Variants in NPAS3 observed in about 807,000 individuals in gnomAD.
The protein encoded by NPAS3 is neuronal PAS domain protein 3.
In NPAS3, 14 loss-of-function variants were observed where a neutral mutation model predicts 73.1. That is an observed-to-expected ratio of 0.19 (90% confidence interval 0.13 to 0.30). The LOEUF (loss-of-function observed/expected upper bound fraction) is 0.30. Among genes scored for constraint, NPAS3 ranks in the 10% least tolerant of loss-of-function variants. The pLI is 1.00. For missense variants in NPAS3, 1,096 were observed against 1,250.0 expected (o/e 0.88, Z 1.86); for synonymous variants, 620 against 541.5 (o/e 1.14, Z -2.01).
chr14:33,278,865 T>C (rs940769325), intron 3 of NPAS3, among the ~76,000 whole-genome samples: 10 of 152,202 alleles, frequency 6.6e-5, no homozygotes, highest in African/African-American at 2.4e-4. Flanking sequence ...TGCGAGTGTG[T>C]ATATAATTTG....
intron 4 of NPAS3, among the ~76,000 whole-genome samples, chr14:33,394,147 A>G (rs2047123646): frequency 6.6e-6 from 1 of 152,174 alleles, no homozygotes; most frequent in Admixed American, 6.5e-5. Context: ...TAGATAATTA[A>G]AAATGACAGA....
At chr14:33,379,977 C>CATGTGTGTGT (rs367545400) in intron 4 of NPAS3, among the ~76,000 whole-genome samples, 17 of 144,232 alleles carry the variant, frequency 1.2e-4, no homozygotes, top group Non-Finnish European at 2.1e-4. Context: ...AGTTATCCCT[C>CATGTGTGTGT]GTGTGTGTGT....
At chr14:33,077,732 A>G (rs1398626905) in intron 2 of NPAS3, among the ~76,000 whole-genome samples, 1 of 136,330 alleles carries the variant, frequency 7.3e-6, no homozygotes, top group African/African-American at 2.6e-5. Flanking sequence ...ATAGTGTTTT[A>G]AAGTGAGTCA....
chr14:33,246,840 A>AC, intron 3 of NPAS3, among the ~76,000 whole-genome samples: 1 of 16,998 alleles, frequency 5.9e-5, no homozygotes, highest in Non-Finnish European at 1.4e-4. Flanking sequence ...TTAAAAATAC[A>AC]AAAAAAAAAA....
upstream of NPAS3, among the ~76,000 whole-genome samples, chr14:32,938,789 G>T (rs1267473560): frequency 1.4e-5 from 2 of 148,122 alleles, no homozygotes; most frequent in East Asian, 4.0e-4. Flanking sequence ...CGGAGGCGGC[G>T]GGGCCCTGGG....
At chr14:33,132,479 G>C (rs1452478725) in intron 2 of NPAS3, among the ~76,000 whole-genome samples, 2 of 152,154 alleles carry the variant, frequency 1.3e-5, no homozygotes. Flanking sequence ...GAGACTACAA[G>C]TTTGGTCTTG....
At chr14:33,174,896 A>AGG (rs1390320322) in intron 2 of NPAS3, among the ~76,000 whole-genome samples, 1 of 152,188 alleles carries the variant, frequency 6.6e-6, no homozygotes, top group African/African-American at 2.4e-5. Context: ...AGAATATGCA[A>AGG]GGGAAACATA....
intron 3 of NPAS3, among the ~76,000 whole-genome samples, chr14:33,323,879 A>C (rs112897255): frequency 6.6e-6 from 1 of 152,248 alleles, no homozygotes; most frequent in Admixed American, 6.5e-5. Context: ...GTAGCCTGCT[A>C]TCTTCTTCCT....
intron 5 of NPAS3, among the ~76,000 whole-genome samples, chr14:33,645,422 T>A (rs2058801497): frequency 1.3e-5 from 2 of 152,142 alleles, no homozygotes; most frequent in South Asian, 4.1e-4. Context: ...GGAAAATCTG[T>A]AATCAATGAA....
chr14:33,410,807 G>C (rs773225128), intron 4 of NPAS3, among the ~76,000 whole-genome samples: 1 of 151,998 alleles, frequency 6.6e-6, no homozygotes, highest in African/African-American at 2.4e-5. Flanking sequence ...CACCACACCC[G>C]GCTAATTTTT....
intron 2 of NPAS3, among the ~76,000 whole-genome samples, chr14:33,144,834 T>A (rs983094534): frequency 6.6e-6 from 1 of 152,212 alleles, no homozygotes; most frequent in Non-Finnish European, 1.5e-5. Context: ...CCTCAAATGA[T>A]CCTCCTATCT....
chr14:33,374,747 T>C (rs1447481526), intron 4 of NPAS3, among the ~76,000 whole-genome samples: 2 of 151,872 alleles, frequency 1.3e-5, no homozygotes, highest in East Asian at 3.9e-4. Flanking sequence ...ATAGACACCT[T>C]CTTTAATCTC....
At chr14:33,568,479 A>G (rs529861460) in intron 5 of NPAS3, among the ~76,000 whole-genome samples, 7 of 152,166 alleles carry the variant, frequency 4.6e-5, no homozygotes, top group African/African-American at 1.7e-4. Context: ...TATATGGGCA[A>G]TATATGCAAA....
intron 3 of NPAS3, among the ~76,000 whole-genome samples, chr14:33,300,355 C>T (rs556198137): frequency 3.3e-5 from 5 of 152,268 alleles, no homozygotes; most frequent in East Asian, 1.9e-4. Flanking sequence ...CTTTCAACAA[C>T]GACCAAATAA....
chr14:33,763,891 A>G lies in NPAS3; in HGVS notation c.853-10446A>G, dbSNP rs558751633. 3.3e-5 allele frequency among the ~76,000 whole-genome samples: 5 copies of G among 151,940 alleles called. No homozygotes were observed. The East Asian group carries it at 9.7e-4, about 29-fold the overall frequency. The stretch of plus-strand genomic sequence containing the variant: ...TATATGACCCACGTGTTTGCTTTAA[A>G]CAATTTTAACTATAAGAAATAGAAT... On this transcript the variant is annotated intron_variant, in intron 7 of 11. Coordinates refer to ENST00000356141, the Ensembl canonical transcript of NPAS3.
intron 5 of NPAS3, among the ~76,000 whole-genome samples, chr14:33,619,671 C>T (rs1443522211): frequency 6.6e-6 from 1 of 152,102 alleles, no homozygotes; most frequent in Non-Finnish European, 1.5e-5. Context: ...TAAAATAGAA[C>T]TGAAGGGGAT....
At chr14:33,777,552 G>A (rs190265710) in intron 8 of NPAS3, among the ~76,000 whole-genome samples, 78 of 142,396 alleles carry the variant, frequency 5.5e-4, no homozygotes, top group African/African-American at 2.0e-3. Flanking sequence ...ACCATATGCC[G>A]TAAGTCATAA....
chr14:33,717,082 G>C (rs1209651515), intron 6 of NPAS3, among the ~76,000 whole-genome samples: 1 of 152,032 alleles, frequency 6.6e-6, no homozygotes, highest in African/African-American at 2.4e-5. Flanking sequence ...GAGTAGAGAG[G>C]GAATGGGAGT....
intron 1 of NPAS3, among the ~76,000 whole-genome samples, chr14:33,006,644 G>C (rs2039012737): frequency 6.6e-6 from 1 of 152,074 alleles, no homozygotes; most frequent in South Asian, 2.1e-4. Context: ...CATTATTTTT[G>C]GCCAAATGCA....
Sources: gnomAD v4.1 joint callset for allele counts (sites outside exome capture counted in the v4.1 genomes callset) on GRCh38, gnomAD v4.1.1 for gene constraint, MANE v1.5 for transcripts, NCBI Gene and HGNC (gene_info 2026-07-23, HGNC 2026-07-21) for gene names.